Variants in P2RY12 observed in about 807,000 individuals in gnomAD.
P2RY12 encodes P2Y purinoceptor 12.
Under a neutral mutation model 4.5 loss-of-function variants are expected in P2RY12, and 3 were observed. The ratio of observed to expected loss-of-function variants is 0.67; its 90% CI spans 0.31 to 1.74. The LOEUF is 1.74. Ranked by LOEUF, P2RY12 falls within the 40% of genes most tolerant of loss-of-function variation. The probability of loss-of-function intolerance (pLI) is 0.09; values close to 1 mark genes in which losing one functional copy is unlikely to be tolerated. For synonymous variants in P2RY12, 148 were observed against 154.1 expected, an observed-to-expected ratio of 0.96 and a Z score of 0.29; for missense variants, 356 against 407.8, an observed-to-expected ratio of 0.87 and a Z score of 1.09.
intron 1 of P2RY12, chr3:151,357,107 G>A (rs1444871044): frequency 1.1e-6 from 1 of 934,384 alleles, no homozygotes; most frequent in African/African-American, 1.7e-5. Flanking sequence ...TTTAGGGAAT[G>A]TATTTGTAGT....
intron 1 of P2RY12, among the ~76,000 whole-genome samples, chr3:151,353,923 C>T (rs1485190035): frequency 7.2e-5 from 11 of 151,820 alleles, no homozygotes; most frequent in African/African-American, 2.2e-4. Flanking sequence ...GGGCGGATCA[C>T]GAGGTCAGGA....
chr3:151,337,825 G>T lies in P2RY12; in HGVS notation c.1021C>A (p.Pro341Thr). The change falls in exon 3 of 3, where the codon CCA becomes ACA. Residue 341 changes from proline (P) to threonine (T), a missense_variant. By Grantham distance (38) the Pro-to-Thr change is conservative. Transcript: ENST00000302632. Reference protein sequence around the residue: ...QDGGDPNEETPM With the variant: ...QDGGDPNEETTM ...TTCCTTAGTTAATTTGTTTACATTGGAGTCTCTTCATTTGGGTCACCACCA... is the reference window on the plus strand; with the variant it reads ...TTCCTTAGTTAATTTGTTTACATTGTAGTCTCTTCATTTGGGTCACCACCA... 6.2e-7 allele frequency: 1 copy of T among 1,613,740 alleles called. No homozygotes were observed. The highest frequency in any genetic ancestry group is 8.5e-7 in the Non-Finnish European group (1 of 1,179,812).
intron 1 of P2RY12, among the ~76,000 whole-genome samples, chr3:151,353,671 G>A (rs1300957746): frequency 6.6e-6 from 1 of 152,170 alleles, no homozygotes; most frequent in Non-Finnish European, 1.5e-5. Context: ...TATTGTTTAA[G>A]ACCATTACAT....
intron 1 of P2RY12, among the ~76,000 whole-genome samples, chr3:151,380,425 C>T (rs545049251): frequency 7.2e-5 from 11 of 152,032 alleles, no homozygotes; most frequent in Non-Finnish European, 1.5e-4. Context: ...GGTGAAACCC[C>T]GTCTGTACTA....
chr3:151,378,464 A>G (rs1711622563), intron 1 of P2RY12, among the ~76,000 whole-genome samples: 1 of 152,114 alleles, frequency 6.6e-6, no homozygotes, highest in African/African-American at 2.4e-5. Flanking sequence ...CTGGATAGCT[A>G]CCTGATCCCT....
intron 2 of P2RY12, among the ~76,000 whole-genome samples, chr3:151,339,266 C>T (rs1039780872): frequency 1.3e-5 from 2 of 151,922 alleles, no homozygotes; most frequent in Non-Finnish European, 2.9e-5. Flanking sequence ...GTCACTTTTC[C>T]CCCCAACGTC....
At chr3:151,365,097 A>G (rs557742946) in intron 1 of P2RY12, 8 of 1,614,140 alleles carry the variant, frequency 5.0e-6, no homozygotes, top group Non-Finnish European at 6.8e-6. Context: ...AGCCCGCAGC[A>G]TCAACTACTC....
chr3:151,382,272 G>A (rs938856930), intron 1 of P2RY12, among the ~76,000 whole-genome samples: 4 of 152,138 alleles, frequency 2.6e-5, no homozygotes, highest in African/African-American at 9.7e-5. Flanking sequence ...GGTTCAGCAA[G>A]TCCCTAGAAA....
At chr3:151,384,037 T>G in intron 1 of P2RY12, 2 of 1,576,078 alleles carry the variant, frequency 1.3e-6, no homozygotes, top group Non-Finnish European at 1.7e-6. Flanking sequence ...TAAATAAGTG[T>G]ATTTCAGTTT....
chr3:151,380,293 A>G, intron 1 of P2RY12: 1 of 1,084,510 alleles, frequency 9.2e-7, no homozygotes, highest in South Asian at 1.4e-5. Context: ...TGCCTTTCAA[A>G]TACTGAGATT....
chr3:151,339,412 A>G (rs927327070), intron 2 of P2RY12, among the ~76,000 whole-genome samples: 4 of 141,144 alleles, frequency 2.8e-5, no homozygotes, highest in African/African-American at 1.1e-4. Flanking sequence ...GAAACTTATT[A>G]AATAAAATAC....
At chr3:151,382,463 G>C (rs1042861175) in intron 1 of P2RY12, among the ~76,000 whole-genome samples, 3 of 152,018 alleles carry the variant, frequency 2.0e-5, no homozygotes, top group Admixed American at 6.6e-5. Context: ...CCTCCACCTA[G>C]AACGGCAAAT....
chr3:151,353,485 C>T (rs1378309814), intron 1 of P2RY12, among the ~76,000 whole-genome samples: 1 of 152,202 alleles, frequency 6.6e-6, no homozygotes, highest in Non-Finnish European at 1.5e-5. Flanking sequence ...AAAAGTGGCA[C>T]AAGCTTGTAA....
intron 1 of P2RY12, among the ~76,000 whole-genome samples, chr3:151,341,961 T>C (rs1751903569): frequency 6.6e-6 from 1 of 152,228 alleles, no homozygotes; most frequent in Non-Finnish European, 1.5e-5. Context: ...CCACATTTTC[T>C]TAATCCAGTC....
chr3:151,345,359 C>A (rs1430812609), intron 1 of P2RY12, among the ~76,000 whole-genome samples: 2 of 152,116 alleles, frequency 1.3e-5, no homozygotes. Context: ...ATATTACTTA[C>A]AACTGTGCAA....
intron 1 of P2RY12, among the ~76,000 whole-genome samples, chr3:151,359,984 T>C (rs1170475065): frequency 6.6e-6 from 1 of 152,184 alleles, no homozygotes; most frequent in African/African-American, 2.4e-5. Flanking sequence ...TAGGGGAATG[T>C]ATACATGCAT....
chr3:151,357,182 C>T (rs1375425242), intron 1 of P2RY12: 2 of 1,534,164 alleles, frequency 1.3e-6, no homozygotes, highest in Admixed American at 2.0e-5. Flanking sequence ...TTGGCACCTA[C>T]ATGTTTATTC....
chr3:151,352,594 A>G (rs1753371840), intron 1 of P2RY12, among the ~76,000 whole-genome samples: 1 of 152,084 alleles, frequency 6.6e-6, no homozygotes, highest in South Asian at 2.1e-4. Flanking sequence ...TTGTGTTAGC[A>G]TGTATTTGAT....
chr3:151,376,257 T>A (rs746293376), intron 1 of P2RY12: 2 of 1,331,772 alleles, frequency 1.5e-6, no homozygotes, highest in Admixed American at 5.6e-5. Context: ...TGATAAATTC[T>A]TCGTAATAAT....
Sources: allele counts gnomAD v4.1 joint callset (sites outside exome capture counted in the v4.1 genomes callset), GRCh38; gene constraint gnomAD v4.1.1; transcripts MANE v1.5; gene names NCBI Gene and HGNC (gene_info 2026-07-23, HGNC 2026-07-21).